The following ISG20L2 variants were observed in gnomAD, a reference collection of about 807,000 sequenced individuals.
ISG20L2 encodes interferon-stimulated 20 kDa exonuclease-like 2.
In ISG20L2, 14 loss-of-function variants were observed where a neutral mutation model predicts 27.8. The ratio of observed to expected loss-of-function variants is 0.50; its 90% CI spans 0.33 to 0.79. The LOEUF (loss-of-function observed/expected upper bound fraction) is 0.79, where lower values mean the gene tolerates loss of function less well. ISG20L2 is among the 30% of genes least tolerant of loss of function. ISG20L2 has a pLI of 0.02. For missense variants in ISG20L2, 393 were observed against 435.1 expected, an observed-to-expected ratio of 0.90 and a Z score of 0.86; for synonymous variants, 157 against 165.7, an observed-to-expected ratio of 0.95 and a Z score of 0.40.
rs1404924535 is a variant in ISG20L2 at position 156,724,316 on chromosome 1, C to T, written c.780G>A (p.Val260=). 1 of 1,612,944 alleles carries T rather than the reference C, an allele frequency of 6.2e-7. No homozygotes were observed. Among genetic ancestry groups the T allele is most frequent in the South Asian group, 1.1e-5 (1 of 91,036 alleles). ...TGAAGTCGTTGTGGATGGCATGCCC[C>T]ACCACTATCTTCCCTGTGAGTATCT... ...ILKILTGKIV[V]GHAIHNDFKA... The change falls in exon 3 of 4, where the codon GTG becomes GTA. Residue 260 remains valine, a synonymous_variant. Coordinates refer to ENST00000368219, the MANE Select transcript of ISG20L2 (RefSeq NM_001370150.2).
chr1:156,723,825 C>T (rs1470562294), intron 3 of ISG20L2: 41 of 1,243,002 alleles, frequency 3.3e-5, no homozygotes, highest in Non-Finnish European at 4.2e-5. Context: ...AGATGGGCCA[C>T]CCTTTGCTGA....
At chr1:156,728,277 C>T in intron 1 of ISG20L2, 138 bp downstream of exon 1, 1 of 985,916 alleles carries the variant, frequency 1.0e-6, no homozygotes, top group Non-Finnish European at 1.2e-6. Context: ...TGCATCTCAC[C>T]CAAGTCCTTC....
chr1:156,725,596 C>A (rs978192708), intron 2 of ISG20L2: 2 of 152,588 alleles, frequency 1.3e-5, no homozygotes, highest in Admixed American at 6.5e-5. Flanking sequence ...CAGCTTGGCA[C>A]TGGGGAAGTG....
At position 156,727,243 on chromosome 1, in the gene ISG20L2, T is replaced by A; in HGVS notation, c.410A>T (p.Gln137Leu). The A allele has an allele frequency of 6.2e-7, 1 of 1,614,104 alleles. No individual in the cohort carries two copies. Among genetic ancestry groups the A allele is most frequent in the South Asian group, 1.1e-5 (1 of 91,086 alleles). Residue 137 changes from glutamine to leucine, a missense_variant, in exon 2 of 4, where the codon CAG (glutamine) becomes CTG (leucine). Around this residue, in one of 3 missense-constraint regions of ISG20L2, gnomAD observed 183 missense variants for 168.2 expected, o/e 1.09. Coordinates refer to ENST00000368219, the MANE Select transcript of ISG20L2 (RefSeq NM_001370150.2). ...GGATTTCTTCTGGGAGCTCTTCTTCTGAGAGCGGGTTGGGTGGCTATTGAT... is the reference window on the plus strand; with the variant it reads ...GGATTTCTTCTGGGAGCTCTTCTTCAGAGAGCGGGTTGGGTGGCTATTGAT... ...PKINSHPTRS[Q>L]KKSSQKKSSK...
chr1:156,725,980 T>C (rs1648740363), intron 2 of ISG20L2: 2 of 985,538 alleles, frequency 2.0e-6, no homozygotes, highest in East Asian at 1.1e-4. Flanking sequence ...TCTGGCGGCC[T>C]CCTGAGACCA....
intron 2 of ISG20L2, chr1:156,725,548 G>A: frequency 6.6e-6 from 1 of 152,356 alleles, no homozygotes. Context: ...CCTCTGAAGG[G>A]GCTAGGCTCA....
At position 156,727,778 on chromosome 1, in the gene ISG20L2, G is replaced by C. The variant is rs1170829596; in HGVS notation, c.-117-9C>G. Reference sequence around the variant, plus strand: ...GAGGTCTGTAGTACACCCTGGGGAAGAAAGTGATCCTGGTAATTGAGCTCC... The same window carrying C: ...GAGGTCTGTAGTACACCCTGGGGAACAAAGTGATCCTGGTAATTGAGCTCC... On this transcript the variant is annotated splice_polypyrimidine_tract_variant and intron_variant, in intron 1 of 3. Coordinates refer to ENST00000368219, the MANE Select transcript of ISG20L2 (RefSeq NM_001370150.2). 2.2e-5 allele frequency: 33 copies of C among 1,490,812 alleles called. No individual in the cohort carries two copies. In the South Asian group the frequency reaches 4.6e-4, roughly 21 times the overall value. The allele number at this position is 1,490,812 out of a possible 1,614,324, so 92.3% of individuals were successfully genotyped here.
At chr1:156,726,688 T>C (rs1285159658) in intron 2 of ISG20L2, 3 of 985,446 alleles carry the variant, frequency 3.0e-6, no homozygotes, top group Admixed American at 6.1e-5. Context: ...CCGGCTAAAA[T>C]AGATCTTGAC....
intron 1 of ISG20L2, 24 bp from the exon 2 acceptor site, chr1:156,727,793 A>C: frequency 6.8e-7 from 1 of 1,479,030 alleles, no homozygotes; most frequent in South Asian, 1.4e-5. Flanking sequence ...TGATCCTGGT[A>C]ATTGAGCTCC....
At chr1:156,725,813 T>A in intron 2 of ISG20L2, 1 of 954,582 alleles carries the variant, frequency 1.0e-6, no homozygotes, top group Non-Finnish European at 1.2e-6. Flanking sequence ...GTGCACAAGA[T>A]GTTTAACTCT....
chr1:156,723,724 C>A (rs951419523), intron 3 of ISG20L2: 12 of 985,290 alleles, frequency 1.2e-5, no homozygotes, highest in Non-Finnish European at 1.3e-5. Flanking sequence ...AGAGATAGAA[C>A]ATACCAGGTC....
In ISG20L2 at chr1:156,726,580, C is replaced by T. The variant is rs551001491; in HGVS notation, c.747+326G>A. 10 of 807,396 alleles carry T rather than the reference C, an allele frequency of 1.2e-5. 1 individual carries two copies. The highest frequency in any genetic ancestry group is 1.3e-4 in the East Asian group (1 of 7,976). 50.0% of individuals were successfully genotyped at this position (807,396 alleles called of 1,614,324 possible). On this transcript the variant is annotated intron_variant, in intron 2 of 3. Transcript: ENST00000368219. Reference sequence around the variant, plus strand: ...GGCTAACTTTTTTGTAGATGAGTTCCGCTATGTTGCCCAGACAGGGCTTGA... The same window carrying T: ...GGCTAACTTTTTTGTAGATGAGTTCTGCTATGTTGCCCAGACAGGGCTTGA...
chr1:156,724,640 C>T (rs920218737), intron 2 of ISG20L2: 1 of 1,150,738 alleles, frequency 8.7e-7, no homozygotes, highest in East Asian at 5.0e-5. Context: ...AAATGACACT[C>T]ATGTTTGAGA....
intron 2 of ISG20L2, chr1:156,726,055 A>C: frequency 2.0e-6 from 2 of 985,376 alleles, no homozygotes; most frequent in Non-Finnish European, 2.4e-6. Context: ...CTTTCCGTTC[A>C]TGCCTTGCGC....
At chr1:156,726,807 A>G in intron 2 of ISG20L2, 99 bp downstream of exon 2, 3 of 1,507,798 alleles carry the variant, frequency 2.0e-6, no homozygotes, top group East Asian at 2.3e-5. Context: ...CTCCCTCCAC[A>G]AACGTTGGTG....
chr1:156,723,615 T>G, intron 3 of ISG20L2, 153 bp from the exon 4 acceptor site: 1 of 985,436 alleles, frequency 1.0e-6, no homozygotes, highest in Non-Finnish European at 1.2e-6. Flanking sequence ...GGGGTCCTAC[T>G]CCTTATGTAA....
At chr1:156,726,325 G>T (rs1467956140) in intron 2 of ISG20L2, 2 of 985,280 alleles carry the variant, frequency 2.0e-6, no homozygotes, top group Non-Finnish European at 2.4e-6. Context: ...CCTTTCTCCT[G>T]ACACTGGTGT....
rs182038281 is a variant in ISG20L2, at chr1:156,724,663, T to C, written c.748-315A>G. 1,254 of 1,110,494 alleles carry C rather than the reference T, an allele frequency of 1.1e-3. 9 individuals carry two copies. In the African/African-American group the frequency reaches 0.019, roughly 17 times the overall value. 68.8% of individuals were successfully genotyped at this position (1,110,494 alleles called of 1,614,324 possible). A position where few individuals can be genotyped will look rare whatever the true frequency, so the allele number is the denominator to read the frequency against. ...CTCATGTTTGAGATGTCCATGTATT[T>C]AGTTCAGTTCTGGCTTGCTACATGA... is the stretch of plus-strand genomic sequence containing the variant. On this transcript the variant is annotated intron_variant, in intron 2 of 3. Coordinates refer to ENST00000368219, the MANE Select transcript of ISG20L2 (RefSeq NM_001370150.2).
Position 156,728,614 on chromosome 1 carries a change from G to A in ISG20L2, c.-317C>T, listed in dbSNP as rs1291985869. ...AGGAGCGGCAGTGGCGGCGGAGGAG[G>A]GGGCGGCGTGGGTGGGGGCGGGGGC... On this transcript the variant is annotated 5_prime_UTR_variant, in exon 1 of 4. Coordinates refer to ENST00000368219, the MANE Select transcript of ISG20L2 (RefSeq NM_001370150.2). 2 of 985,380 alleles carry A rather than the reference G, an allele frequency of 2.0e-6. No homozygotes were observed. The highest frequency in any genetic ancestry group is 2.4e-6 in the Non-Finnish European group (2 of 829,456). 61.0% of individuals were successfully genotyped at this position (985,380 alleles called of 1,614,324 possible).
Sources: gnomAD v4.1 joint callset for allele counts on GRCh38, gnomAD v4.1.1 for gene constraint, gnomAD v4.1.1 regional missense constraint, MANE v1.5 for transcripts, NCBI Gene and HGNC (gene_info 2026-07-23, HGNC 2026-07-21) for gene names.